The following JOSD2 variants were observed in gnomAD, a reference collection of about 807,000 sequenced individuals.
The protein encoded by JOSD2 is josephin-2.
Under a neutral mutation model 19.3 loss-of-function variants are expected in JOSD2, and 20 were observed. The ratio of observed to expected loss-of-function variants is 1.04; its 90% CI spans 0.73 to 1.51. The LOEUF (loss-of-function observed/expected upper bound fraction) is 1.51. Among genes scored for constraint, JOSD2 ranks in the 40% most tolerant of loss-of-function variants. The probability of loss-of-function intolerance (pLI) is 0.00; values close to 1 mark genes in which losing one functional copy is unlikely to be tolerated. For synonymous variants in JOSD2, 118 were observed against 123.7 expected, an observed-to-expected ratio of 0.95 and a Z score of 0.31; for missense variants, 215 against 250.4, an observed-to-expected ratio of 0.86 and a Z score of 0.95.
intron 3 of JOSD2, among the ~76,000 whole-genome samples, chr19:50,507,126 G>T (rs190929994): frequency 8.9e-5 from 2 of 22,410 alleles, no homozygotes; most frequent in East Asian, 4.3e-3. Flanking sequence ...CCACACAGCC[G>T]GCCACCACCC....
chr19:50,510,861 CT>C (rs1180122705), intron 1 of JOSD2, among the ~76,000 whole-genome samples: 1 of 151,976 alleles, frequency 6.6e-6, no homozygotes, highest in Non-Finnish European at 1.5e-5. Flanking sequence ...GAGAATCCTC[CT>C]CCCCTGTCTC....
intron 2 of JOSD2, among the ~76,000 whole-genome samples, chr19:50,508,901 C>T (rs879832556): frequency 4.0e-5 from 6 of 151,802 alleles, no homozygotes; most frequent in East Asian, 1.9e-4. Flanking sequence ...TTAAGATGTC[C>T]GAGAGCCGGA....
intron 2 of JOSD2, 85 bp from the exon 3 acceptor site, chr19:50,507,784 C>A: frequency 1.3e-6 from 2 of 1,521,286 alleles, no homozygotes; most frequent in South Asian, 2.5e-5. Flanking sequence ...CCACAAGTTG[C>A]CTCAGCCTTT....
chr19:50,506,167 C>A lies in JOSD2; in HGVS notation c.*6G>T, dbSNP rs762249324. 1 of 1,611,844 alleles carries A rather than the reference C, an allele frequency of 6.2e-7. No individual in the cohort carries two copies. Among genetic ancestry groups the A allele is most frequent in the South Asian group, 1.1e-5 (1 of 91,024 alleles). ...CTGCGCTGTGGGCGCCGATGGTCAG[C>A]CATGGTCAGTCTGTCCGCAGCCAGC... On this transcript the variant is annotated 3_prime_UTR_variant, in exon 5 of 5. Transcript: ENST00000598418.
At position 50,510,379 on chromosome 19, in the gene JOSD2, C is replaced by T. The variant is rs1011549676; in HGVS notation, c.53G>A (p.Arg18Gln). The change falls in exon 2 of 5, where the codon CGG (arginine) becomes CAG (glutamine). Residue 18 changes from arginine (R) to glutamine (Q), a missense_variant. By Grantham distance (43) the Arg-to-Gln change is conservative. Coordinates refer to ENST00000598418, the MANE Select transcript of JOSD2 (RefSeq NM_001270639.2). ...GACAGCACACAGCTCCAGGCGCTGC[C>T]GTTCGTGGTACACGGTGGGTGGGCT... Reference protein sequence around the residue: ...QPSPPTVYHERQRLELCAVHA... With the variant: ...QPSPPTVYHEQQRLELCAVHA... 5 of 1,613,372 alleles carry T rather than the reference C, an allele frequency of 3.1e-6. No homozygotes were observed. The highest frequency in any genetic ancestry group is 2.7e-5 in the African/African-American group (2 of 74,924).
intron 3 of JOSD2, 92 bp downstream of exon 3, chr19:50,507,482 G>A (rs917748750): frequency 5.4e-6 from 8 of 1,480,268 alleles, no homozygotes; most frequent in Non-Finnish European, 7.2e-6. Flanking sequence ...ACCTCCCCCA[G>A]CCACATTCCC....
At position 50,506,381 on chromosome 19, in the gene JOSD2, A is replaced by T; in HGVS notation, c.464T>A (p.Val155Asp). The change falls in exon 4 of 5, where the codon GTC becomes GAC. Residue 155 changes from valine (V) to aspartate (D), a missense_variant. Physicochemically the swap from Val to Asp is radical, Grantham distance 152 (BLOSUM62 -3). Transcript: ENST00000598418. ...APEALGDEDG[V>D]RAFLAAALAQ... ...GAATCGCCTCTGTGGGGCTCACCTG[A>T]CTCCGTCCTCATCCCCCAGGGCCTC... 6.2e-7 allele frequency: 1 copy of T among 1,605,646 alleles called. No individual in the cohort carries two copies. Among genetic ancestry groups the T allele is most frequent in the Non-Finnish European group, 8.5e-7 (1 of 1,176,718 alleles).
rs1228489822 is a variant in JOSD2 at position 50,510,283 on chromosome 19, C to T, written c.146+3G>A. On this transcript the variant is annotated splice_donor_region_variant and intron_variant, in intron 2 of 4. Transcript: ENST00000598418. ...TCCAGGGGCTGGGGTGGGTGACGGT[C>T]ACCTCTTGCAGATCTCATCGGCAGC... 2 of 1,613,304 alleles carry T rather than the reference C, an allele frequency of 1.2e-6. No homozygotes were observed. The highest frequency in any genetic ancestry group is 1.3e-5 in the African/African-American group (1 of 75,070).
At chr19:50,510,618 T>C (rs1484069302) in intron 1 of JOSD2, among the ~76,000 whole-genome samples, 170 bp from the exon 2 acceptor site, 2 of 152,040 alleles carry the variant, frequency 1.3e-5, no homozygotes, top group Non-Finnish European at 2.9e-5. Context: ...CACACGTCCC[T>C]CCATCCCTTA....
Position 50,506,272 on chromosome 19 carries a change from C to T in JOSD2, c.468G>A (p.Arg156=), listed in dbSNP as rs1277770809. The part of the protein sequence containing the change: ...PEALGDEDGV[R]AFLAAALAQG... ...GGGCCAGCGCAGCCGCCAGGAAGGC[C>T]CTGGGTGGGAGAAATGGGGAGACTG... Residue 156 remains arginine, a splice_region_variant and synonymous_variant, in exon 5 of 5, where the codon AGG becomes AGA. Transcript: ENST00000598418. The T allele has an allele frequency of 1.2e-6, 2 of 1,612,510 alleles. No individual in the cohort carries two copies. Among genetic ancestry groups the T allele is most frequent in the Non-Finnish European group, 1.7e-6 (2 of 1,179,724 alleles).
At chr19:50,507,219 C>G (rs1979425600) in intron 3 of JOSD2, among the ~76,000 whole-genome samples, 1 of 150,522 alleles carries the variant, frequency 6.6e-6, no homozygotes, top group African/African-American at 2.4e-5. Flanking sequence ...GTCTACCCCT[C>G]ATCCACCAGC....
rs566459192 is a variant in JOSD2, at chr19:50,506,032, G to A, written c.*141C>T. On this transcript the variant is annotated 3_prime_UTR_variant, in exon 5 of 5. Coordinates refer to ENST00000598418, the MANE Select transcript of JOSD2 (RefSeq NM_001270639.2). ...TCAGCAGATTTATTGAGGCAGCAGCGGCAGTGGGGAGCAGGGGTGTGGGGA... is the reference window on the plus strand; with the variant it reads ...TCAGCAGATTTATTGAGGCAGCAGCAGCAGTGGGGAGCAGGGGTGTGGGGA... 26 of 720,930 alleles carry A rather than the reference G, an allele frequency of 3.6e-5. No individual in the cohort carries two copies. The highest frequency in any genetic ancestry group is 9.4e-5 in the South Asian group (5 of 53,102). 44.7% of individuals were successfully genotyped at this position (720,930 alleles called of 1,614,324 possible).
intron 1 of JOSD2, 121 bp from the exon 2 acceptor site, chr19:50,510,569 CT>C: frequency 1.1e-6 from 1 of 895,292 alleles, no homozygotes; most frequent in Non-Finnish European, 1.7e-6. Context: ...CAGGAAGACA[CT>C]GGGCCCCTGA....
intron 2 of JOSD2, chr19:50,508,008 A>G (rs903946148): frequency 2.3e-5 from 10 of 440,626 alleles, no homozygotes; most frequent in Admixed American, 1.5e-4. Context: ...TCCTGCCCTG[A>G]CTCTGCCCTG....
chr19:50,506,038 G>T lies in JOSD2; in HGVS notation c.*135C>A. 1.3e-6 allele frequency: 1 copy of T among 746,852 alleles called. No individual in the cohort carries two copies. Among genetic ancestry groups the T allele is most frequent in the Non-Finnish European group, 2.2e-6 (1 of 459,094 alleles). The allele number at this position is 746,852 out of a possible 1,614,324, so 46.3% of individuals were successfully genotyped here. ...GATTTATTGAGGCAGCAGCGGCAGT[G>T]GGGAGCAGGGGTGTGGGGAGGGGGC... is the stretch of plus-strand genomic sequence containing the variant. On this transcript the variant is annotated 3_prime_UTR_variant, in exon 5 of 5. Coordinates refer to ENST00000598418, the MANE Select transcript of JOSD2 (RefSeq NM_001270639.2).
In JOSD2 at chr19:50,506,104, G is replaced by A; in HGVS notation, c.*69C>T. ...TCCATGAAGTGCTGGCCTTTCCCAGGCATGCAGTGTGCGCAGCCGGAGGGG... is the reference window on the plus strand; with the variant it reads ...TCCATGAAGTGCTGGCCTTTCCCAGACATGCAGTGTGCGCAGCCGGAGGGG... On this transcript the variant is annotated 3_prime_UTR_variant, in exon 5 of 5. Coordinates refer to ENST00000598418, the MANE Select transcript of JOSD2 (RefSeq NM_001270639.2). The A allele has an allele frequency of 6.8e-7, 1 of 1,476,172 alleles. No homozygotes were observed. The highest frequency in any genetic ancestry group is 1.2e-5 in the South Asian group (1 of 83,452). The allele number at this position is 1,476,172 out of a possible 1,614,324, so 91.4% of individuals were successfully genotyped here.
At chr19:50,509,389 G>A (rs1035051609) in intron 2 of JOSD2, among the ~76,000 whole-genome samples, 2 of 152,042 alleles carry the variant, frequency 1.3e-5, no homozygotes, top group African/African-American at 2.4e-5. Flanking sequence ...CACTGCGCCC[G>A]GCCAAAGAGT....
chr19:50,511,125 C>T lies in JOSD2; in HGVS notation c.-26G>A, dbSNP rs1568705405. 3 of 452,722 alleles carry T rather than the reference C, an allele frequency of 6.6e-6. No individual in the cohort carries two copies. The highest frequency in any genetic ancestry group is 4.7e-5 in the South Asian group (3 of 64,410). 28.0% of individuals were successfully genotyped at this position (452,722 alleles called of 1,614,324 possible). A position where few individuals can be genotyped will look rare whatever the true frequency, so the allele number is the denominator to read the frequency against. On this transcript the variant is annotated 5_prime_UTR_variant, in exon 1 of 5. Transcript: ENST00000598418. Reference sequence around the variant, plus strand: ...CTGGCAACGCCCCTCACCCCGCCTGCCTCTCCGCTCCACCGAGCCAGGGGT... The same window carrying T: ...CTGGCAACGCCCCTCACCCCGCCTGTCTCTCCGCTCCACCGAGCCAGGGGT...
intron 2 of JOSD2, 131 bp downstream of exon 2, chr19:50,510,155 G>T (rs1258973854): frequency 2.8e-6 from 3 of 1,085,494 alleles, no homozygotes; most frequent in Admixed American, 2.3e-5. Flanking sequence ...GAGTCCCAGC[G>T]TCTAGCTTAG....
Sources: allele counts gnomAD v4.1 joint callset (sites outside exome capture counted in the v4.1 genomes callset), GRCh38; gene constraint gnomAD v4.1.1; transcripts MANE v1.5; gene names NCBI Gene and HGNC (gene_info 2026-07-23, HGNC 2026-07-21).